Variants in CAMSAP1 observed in about 807,000 individuals in gnomAD.
The protein encoded by CAMSAP1 is calmodulin regulated spectrin associated protein 1, also known as calmodulin-regulated spectrin-associated protein 1.
In CAMSAP1, 58 loss-of-function variants were observed where a neutral mutation model predicts 143.5. That is an observed-to-expected ratio of 0.40 (90% CI 0.33 to 0.50). The LOEUF (loss-of-function observed/expected upper bound fraction) is 0.50, where lower values mean the gene tolerates loss of function less well. Among genes scored for constraint, CAMSAP1 ranks in the 20% least tolerant of loss-of-function variants. The pLI is 0.45. For missense variants in CAMSAP1, 1,969 were observed against 2,115.7 expected, an observed-to-expected ratio of 0.93 and a Z score of 1.36; for synonymous variants, 945 against 859.3, an observed-to-expected ratio of 1.10 and a Z score of -1.74.
intron 5 of CAMSAP1, among the ~76,000 whole-genome samples, chr9:135,851,774 A>C (rs1433260144): frequency 6.6e-6 from 1 of 152,370 alleles, no homozygotes; most frequent in Non-Finnish European, 1.5e-5. Context: ...TCCGTCACTC[A>C]TCTTGACCGC....
At chr9:135,870,625 T>C (rs1464317838) in intron 3 of CAMSAP1, among the ~76,000 whole-genome samples, 2 of 151,848 alleles carry the variant, frequency 1.3e-5, no homozygotes, top group Non-Finnish European at 2.9e-5. Flanking sequence ...CAAAACCTTA[T>C]CTCTACAAAA....
chr9:135,895,495 A>T (rs1165578695), intron 1 of CAMSAP1, among the ~76,000 whole-genome samples: 1 of 152,218 alleles, frequency 6.6e-6, no homozygotes, highest in African/African-American at 2.4e-5. Context: ...CTATCCTTAA[A>T]AAAATGAAGA....
Position 135,818,393 on chromosome 9 carries a change from G to T in CAMSAP1, c.4168+15C>A. 1 of 1,558,420 alleles carries T rather than the reference G, an allele frequency of 6.4e-7. No homozygotes were observed. The highest frequency in any genetic ancestry group is 8.6e-7 in the Non-Finnish European group (1 of 1,157,560). The stretch of plus-strand genomic sequence containing the variant: ...GGAAGGAAGCGCTGCCCGCGTGAGG[G>T]CCGGGGCTGCTTACGGGTGGAGGAG... On this transcript the variant is annotated intron_variant, in intron 13 of 16. Coordinates refer to ENST00000389532, the MANE Select transcript of CAMSAP1 (RefSeq NM_015447.4). This position sits in a 1 kb window ranked among gnomAD's most constrained non-coding sequence, Gnocchi z 7.7.
intron 7 of CAMSAP1, among the ~76,000 whole-genome samples, chr9:135,846,388 A>G (rs1175567712): frequency 6.6e-6 from 1 of 152,232 alleles, no homozygotes; most frequent in Non-Finnish European, 1.5e-5. Flanking sequence ...AAGACAGATT[A>G]AAGACTTAAT....
In CAMSAP1 at chr9:135,839,293, C is replaced by G. The variant is rs142090322; in HGVS notation, c.1045+10844G>C. On this transcript the variant is annotated intron_variant, in intron 7 of 16. Transcript: ENST00000389532. Reference sequence around the variant, plus strand: ...GTGCCTGCCACATGCATATGAATAGCTATGAGTCTGTTTGTGTCCGTATTT... The same window carrying G: ...GTGCCTGCCACATGCATATGAATAGGTATGAGTCTGTTTGTGTCCGTATTT... Among the ~76,000 whole-genome samples, 579 of 152,302 alleles carry G rather than the reference C, an allele frequency of 3.8e-3. 2 individuals are homozygous for G. Among genetic ancestry groups the G allele is most frequent in the Non-Finnish European group, 5.4e-3 (369 of 68,020 alleles).
At chr9:135,888,944 G>A (rs988982637) in intron 1 of CAMSAP1, among the ~76,000 whole-genome samples, 4 of 152,202 alleles carry the variant, frequency 2.6e-5, no homozygotes, top group African/African-American at 4.8e-5. Context: ...GCGCTGGCCC[G>A]GGCATGCCAC....
intron 16 of CAMSAP1, among the ~76,000 whole-genome samples, chr9:135,814,754 G>A (rs755831114): frequency 1.3e-5 from 2 of 152,174 alleles, no homozygotes; most frequent in Non-Finnish European, 2.9e-5. Context: ...TGATCTACTG[G>A]GAAGGGCAGG....
chr9:135,887,415 A>C (rs576638914), intron 1 of CAMSAP1, among the ~76,000 whole-genome samples: 2 of 152,242 alleles, frequency 1.3e-5, no homozygotes, highest in East Asian at 3.9e-4. Flanking sequence ...GAAGGAAGGA[A>C]GTGAGAACAG....
intron 1 of CAMSAP1, among the ~76,000 whole-genome samples, chr9:135,898,254 T>C (rs1049689908): frequency 1.3e-5 from 2 of 152,208 alleles, no homozygotes; most frequent in African/African-American, 4.8e-5. Flanking sequence ...TGTAATATTA[T>C]GCTACAATTT....
At chr9:135,844,175 C>T (rs1287186832) in intron 7 of CAMSAP1, among the ~76,000 whole-genome samples, 2 of 152,136 alleles carry the variant, frequency 1.3e-5, no homozygotes, top group African/African-American at 4.8e-5. Context: ...GTAGCACTTA[C>T]TCTAAAATTG....
At chr9:135,861,005 C>T (rs537187490) in intron 5 of CAMSAP1, among the ~76,000 whole-genome samples, 14 of 152,308 alleles carry the variant, frequency 9.2e-5, no homozygotes, top group Admixed American at 4.6e-4. Context: ...CACATCTCAA[C>T]CTCCCTCTGA....
In CAMSAP1 at chr9:135,820,485, G is replaced by A. The variant is rs779363656; in HGVS notation, c.3822+354C>T. Among the ~76,000 whole-genome samples the A allele has an allele frequency of 3.3e-5, 5 of 151,922 alleles. No homozygotes were observed. The highest frequency in any genetic ancestry group is 9.7e-5 in the African/African-American group (4 of 41,336). On this transcript the variant is annotated intron_variant, in intron 11 of 16. Transcript: ENST00000389532. The surrounding 1 kb of genome is among the most constrained non-coding windows in gnomAD (Gnocchi z 4.4). ...GCCACCTCCAGAGCATTCTAACGAC[G>A]AACGCTTTTTACGCTTTGGGGCAGG...
chr9:135,847,930 AGTGG>A lies in CAMSAP1; in HGVS notation c.1045+2203_1045+2206del, dbSNP rs1836627217. Reference sequence around the variant, plus strand: ...GAAGGGGAGGGGAGTGGGGGAGGGGAGTGGGGAGATGGGAGTGGGGGGGGAGGGG... The same window carrying A: ...GAAGGGGAGGGGAGTGGGGGAGGGGAGGAGATGGGAGTGGGGGGGGAGGGG... On this transcript the variant is annotated intron_variant, in intron 7 of 16. Coordinates refer to ENST00000389532, the MANE Select transcript of CAMSAP1 (RefSeq NM_015447.4). Among the ~76,000 whole-genome samples the A allele has an allele frequency of 4.9e-3, 2 of 412 alleles. 1 individual carries two copies. Among genetic ancestry groups the A allele is most frequent in the African/African-American group, 0.02 (2 of 100 alleles). The allele number at this position is 412 out of a possible 152,430, so 0.3% of individuals were successfully genotyped here.
intron 4 of CAMSAP1, among the ~76,000 whole-genome samples, chr9:135,866,006 A>G (rs1837366815): frequency 6.6e-6 from 1 of 152,232 alleles, no homozygotes; most frequent in Non-Finnish European, 1.5e-5. Context: ...CCATCGTGCT[A>G]CTTCAGTAGG....
intron 5 of CAMSAP1, among the ~76,000 whole-genome samples, chr9:135,858,238 T>C (rs1386672300): frequency 6.6e-6 from 1 of 151,998 alleles, no homozygotes; most frequent in Non-Finnish European, 1.5e-5. Context: ...ATGGAATCTG[T>C]AATTCAGTTC....
chr9:135,880,376 C>T (rs1354128175), intron 3 of CAMSAP1, among the ~76,000 whole-genome samples: 1 of 152,080 alleles, frequency 6.6e-6, no homozygotes, highest in Admixed American at 6.6e-5. Context: ...AGAGATGCTA[C>T]TGGCTGACAC....
chr9:135,852,801 T>C (rs184478334), intron 5 of CAMSAP1, among the ~76,000 whole-genome samples: 22 of 152,272 alleles, frequency 1.4e-4, no homozygotes, highest in Non-Finnish European at 2.2e-4. Context: ...TCTGGGACAA[T>C]TTAAGCAACA....
chr9:135,867,007 A>C (rs1837400607), intron 3 of CAMSAP1, among the ~76,000 whole-genome samples: 1 of 152,146 alleles, frequency 6.6e-6, no homozygotes, highest in Admixed American at 6.5e-5. Flanking sequence ...TTAACTATAC[A>C]CCCCTTAAAA....
chr9:135,820,059 C>T lies in CAMSAP1; in HGVS notation c.3822+780G>A, dbSNP rs1835389413. On this transcript the variant is annotated intron_variant, in intron 11 of 16. Coordinates refer to ENST00000389532, the MANE Select transcript of CAMSAP1 (RefSeq NM_015447.4). The surrounding 1 kb of genome is among the most constrained non-coding windows in gnomAD (Gnocchi z 4.4). ...TTCTGAGAAATAGGTCCTCAGGTGA[C>T]TCTGCTGCTGTGTGAGCATGACGGA... 6.6e-6 allele frequency among the ~76,000 whole-genome samples: 1 copy of T among 152,180 alleles called. No individual in the cohort carries two copies. The highest frequency in any genetic ancestry group is 1.5e-5 in the Non-Finnish European group (1 of 68,036).
Sources: allele counts gnomAD v4.1 joint callset (sites outside exome capture counted in the v4.1 genomes callset), GRCh38; gene constraint gnomAD v4.1.1; non-coding constraint Gnocchi (gnomAD v3.1); transcripts MANE v1.5; gene names NCBI Gene and HGNC (gene_info 2026-07-23, HGNC 2026-07-21).